PKHD1L1: variants seen among roughly 807,000 people sequenced by gnomAD.
PKHD1L1 encodes PKHD1 like 1, also known as fibrocystin-L.
Under a neutral mutation model 462.9 loss-of-function variants are expected in PKHD1L1, and 434 were observed. The ratio of observed to expected loss-of-function variants is 0.94; its 90% confidence interval spans 0.87 to 1.02. The LOEUF is 1.02. Among genes scored for constraint, PKHD1L1 ranks in the 50% least tolerant of loss-of-function variants. The pLI is 0.00. For missense variants in PKHD1L1, 5,202 were observed against 5,096.1 expected, an observed-to-expected ratio of 1.02 and a Z score of -0.63; for synonymous variants, 1,781 against 1,750.0, an observed-to-expected ratio of 1.02 and a Z score of -0.44.
chr8:109,396,626 A>G (rs1436690173), intron 11 of PKHD1L1, among the ~76,000 whole-genome samples: 1 of 152,236 alleles, frequency 6.6e-6, no homozygotes, highest in African/African-American at 2.4e-5. Flanking sequence ...AGTAATTTCA[A>G]TGAGTTATCT....
chr8:109,442,637 C>T (rs981849545), intron 35 of PKHD1L1, among the ~76,000 whole-genome samples: 1 of 151,840 alleles, frequency 6.6e-6, no homozygotes, highest in Admixed American at 6.6e-5. Flanking sequence ...ACCTTTCACT[C>T]ACGAAAAAAA....
chr8:109,444,662 T>G lies in PKHD1L1; in HGVS notation c.4793T>G (p.Val1598Gly). The part of the protein sequence containing the change: ...GFSNLPWANK[V>G]TIGSYPCVVE... ...ATTTTGTATTCATTTTACTTACAGGTTACAATTGGTAGCTACCCCTGTGTC... is the reference window on the plus strand; with the variant it reads ...ATTTTGTATTCATTTTACTTACAGGGTACAATTGGTAGCTACCCCTGTGTC... Residue 1598 changes from valine (V) to glycine (G), a missense_variant and splice_region_variant, in exon 38 of 78, where the codon GTT (valine) becomes GGT (glycine). Physicochemically the swap from Val to Gly is moderately radical, Grantham distance 109 (BLOSUM62 -3). This residue lies in a region of PKHD1L1 where 4,497 missense variants were observed against 4,336.8 expected (regional missense o/e 1.04). Coordinates refer to ENST00000378402, the MANE Select transcript of PKHD1L1 (RefSeq NM_177531.6). 6.2e-7 allele frequency: 1 copy of G among 1,609,342 alleles called. No homozygotes were observed. Among genetic ancestry groups the G allele is most frequent in the Non-Finnish European group, 8.5e-7 (1 of 1,176,654 alleles).
Position 109,438,447 on chromosome 8 carries a change from A to C in PKHD1L1, c.3751A>C (p.Thr1251Pro). ...AACTGATTTTAGTCCAAAAGTACGAACAATACTAGGTAAGAAATTCTTCAA... is the reference window on the plus strand; with the variant it reads ...AACTGATTTTAGTCCAAAAGTACGACCAATACTAGGTAAGAAATTCTTCAA... ...IITDFSPKVRTILGEVNLTIK... is the reference protein window; with the variant it reads ...IITDFSPKVRPILGEVNLTIK... Residue 1251 changes from threonine to proline, a missense_variant, in exon 31 of 78, where the codon ACA (threonine) becomes CCA (proline). Physicochemically the swap from Thr to Pro is conservative, Grantham distance 38 (BLOSUM62 -1). Transcript: ENST00000378402. 1 of 1,540,656 alleles carries C rather than the reference A, an allele frequency of 6.5e-7. No homozygotes were observed. The highest frequency in any genetic ancestry group is 2.4e-5 in the East Asian group (1 of 40,822).
In PKHD1L1 at chr8:109,443,800, T is replaced by C. The variant is rs757821099; in HGVS notation, c.4689T>C (p.Cys1563=). 9.3e-6 allele frequency: 15 copies of C among 1,613,780 alleles called. No individual in the cohort carries two copies. In the Admixed American group the frequency reaches 2.5e-4, roughly 27 times the overall value. Reference sequence around the variant, plus strand: ...GATTGCTATTTGAGGTTTCAAGTTGTTTTTCACCATCTATAAGCAACATTA... The same window carrying C: ...GATTGCTATTTGAGGTTTCAAGTTGCTTTTCACCATCTATAAGCAACATTA... The part of the protein sequence containing the change: ...SKRLLFEVSS[C]FSPSISNITP... Residue 1563 remains cysteine, a synonymous_variant, in exon 37 of 78, where the codon TGT becomes TGC. Coordinates refer to ENST00000378402, the MANE Select transcript of PKHD1L1 (RefSeq NM_177531.6).
chr8:109,433,901 G>T (rs970291599), intron 28 of PKHD1L1, among the ~76,000 whole-genome samples: 6 of 152,010 alleles, frequency 3.9e-5, no homozygotes, highest in African/African-American at 1.5e-4. Flanking sequence ...AGAAAATGTG[G>T]TACATATACA....
intron 60 of PKHD1L1, 97 bp from the exon 61 acceptor site, chr8:109,490,875 G>T (rs1000405136): frequency 5.4e-5 from 60 of 1,107,804 alleles, no homozygotes; most frequent in Non-Finnish European, 6.9e-5. Context: ...ATTGATTATT[G>T]ATAAAGGTTT....
chr8:109,464,848 C>T lies in PKHD1L1; in HGVS notation c.8016C>T (p.Asn2672=). 1.9e-6 allele frequency: 3 copies of T among 1,613,742 alleles called. No individual in the cohort carries two copies. Among genetic ancestry groups the T allele is most frequent in the Non-Finnish European group, 2.5e-6 (3 of 1,179,798 alleles). ...ATGGAGGTGCCCTTCAGTTCCATAACTTTGTGATGGTGAATAACTATGAGG... is the reference window on the plus strand; with the variant it reads ...ATGGAGGTGCCCTTCAGTTCCATAATTTTGTGATGGTGAATAACTATGAGG... ...WVNGGALQFH[N]FVMVNNYEAG... Residue 2672 remains asparagine (N), a synonymous_variant, in exon 49 of 78, where the codon AAC becomes AAT. Transcript: ENST00000378402.
intron 76 of PKHD1L1, among the ~76,000 whole-genome samples, chr8:109,524,810 C>T (rs80035233): frequency 7.0e-6 from 1 of 143,316 alleles, no homozygotes; most frequent in Non-Finnish European, 1.5e-5. Flanking sequence ...CCCTCCATCC[C>T]TCCTTCCTTC....
intron 59 of PKHD1L1, 31 bp from the exon 60 acceptor site, chr8:109,489,921 A>G (rs748613808): frequency 7.1e-7 from 1 of 1,401,076 alleles, no homozygotes; most frequent in Admixed American, 1.9e-5. Flanking sequence ...TGTTTTAAGA[A>G]AAACAAATTT....
intron 27 of PKHD1L1, among the ~76,000 whole-genome samples, chr8:109,432,151 T>C (rs890542882): frequency 3.3e-5 from 5 of 152,208 alleles, no homozygotes; most frequent in African/African-American, 1.2e-4. Context: ...ATTGTCTTTT[T>C]AAAATTTACT....
chr8:109,433,676 T>G (rs1387771571), intron 28 of PKHD1L1, among the ~76,000 whole-genome samples: 1 of 152,240 alleles, frequency 6.6e-6, no homozygotes, highest in Non-Finnish European at 1.5e-5. Context: ...TTCAAATTTT[T>G]TTAACATCTT....
rs936701951 is a variant in PKHD1L1, at chr8:109,434,634, A to AT, written c.3341-550dup. The stretch of plus-strand genomic sequence containing the variant: ...CAGGTGTCTGACACCACACCCAGCT[A>AT]TTTTTTGTATTTTTAATAGAGACAG... On this transcript the variant is annotated intron_variant, in intron 28 of 77. Transcript: ENST00000378402. Among the ~76,000 whole-genome samples the AT allele has an allele frequency of 9.9e-5, 15 of 151,824 alleles. 2 individuals are homozygous for AT. The highest frequency in any genetic ancestry group is 7.9e-4 in the Admixed American group (12 of 15,224).
chr8:109,449,042 T>C (rs1816332642), intron 39 of PKHD1L1, among the ~76,000 whole-genome samples: 1 of 152,184 alleles, frequency 6.6e-6, no homozygotes, highest in Non-Finnish European at 1.5e-5. Flanking sequence ...TTGCATAGTC[T>C]ATGTTTTGCC....
At chr8:109,402,942 A>C (rs1813348901) in intron 14 of PKHD1L1, among the ~76,000 whole-genome samples, 1 of 151,798 alleles carries the variant, frequency 6.6e-6, no homozygotes, top group African/African-American at 2.4e-5. Context: ...TTCTTTAGAC[A>C]TTAAACATTT....
rs978808599 is a variant in PKHD1L1, at chr8:109,476,767, A to T, written c.8917+100A>T. 2.0e-5 allele frequency: 20 copies of T among 990,686 alleles called. No individual in the cohort carries two copies. In the African/African-American group the frequency reaches 3.1e-4, roughly 15 times the overall value. The allele number at this position is 990,686 out of a possible 1,614,324, so 61.4% of individuals were successfully genotyped here. ...AAATGTGTTGTGCAGTGCTTAATATATACAGGATCCAATAAATGTTTGCTG... is the reference window on the plus strand; with the variant it reads ...AAATGTGTTGTGCAGTGCTTAATATTTACAGGATCCAATAAATGTTTGCTG... On this transcript the variant is annotated intron_variant, in intron 52 of 77. Transcript: ENST00000378402.
At chr8:109,525,276 T>C (rs1480162015) in intron 76 of PKHD1L1, among the ~76,000 whole-genome samples, 1 of 152,094 alleles carries the variant, frequency 6.6e-6, no homozygotes, top group Non-Finnish European at 1.5e-5. Context: ...ATGTGAGAAA[T>C]GGGTGGGAGA....
chr8:109,442,267 G>T (rs554886270), intron 35 of PKHD1L1, 72 bp downstream of exon 35: 1 of 1,338,246 alleles, frequency 7.5e-7, no homozygotes, highest in Admixed American at 2.6e-5. Flanking sequence ...ATTTTGTGTA[G>T]ATTTAATACA....
rs777954770 is a variant in PKHD1L1 at position 109,459,558 on chromosome 8, T to C, written c.7005-37T>C. The C allele has an allele frequency of 1.1e-5, 15 of 1,407,226 alleles. No individual in the cohort carries two copies. The African/African-American group carries it at 1.9e-4, about 18-fold the overall frequency. 87.2% of individuals were successfully genotyped at this position (1,407,226 alleles called of 1,614,324 possible). A position where few individuals can be genotyped will look rare whatever the true frequency, so the allele number is the denominator to read the frequency against. ...CAAAACAATATGTTATGTCAATTTA[T>C]ATTAATTTTAAAATTTTTTTGTCAA... On this transcript the variant is annotated intron_variant, in intron 46 of 77. Coordinates refer to ENST00000378402, the MANE Select transcript of PKHD1L1 (RefSeq NM_177531.6).
In PKHD1L1 at chr8:109,426,664, AT is replaced by A. The variant is rs57590068; in HGVS notation, c.2846-329del. Among the ~76,000 whole-genome samples the A allele has an allele frequency of 2.6e-5, 4 of 151,216 alleles. No individual in the cohort carries two copies. The South Asian group carries it at 6.3e-4, about 24-fold the overall frequency. ...GTGAATATATTTTATTTTATTATTA[AT>A]TTTTTTTTGAGACGGAGTCTCGCTG... On this transcript the variant is annotated intron_variant, in intron 24 of 77. Transcript: ENST00000378402.
Sources: allele counts gnomAD v4.1 joint callset (sites outside exome capture counted in the v4.1 genomes callset), GRCh38; gene constraint gnomAD v4.1.1; regional missense constraint gnomAD v4.1.1; transcripts MANE v1.5; gene names NCBI Gene and HGNC (gene_info 2026-07-23, HGNC 2026-07-21).